The following CHST12 variants were observed in gnomAD, a reference collection of about 807,000 sequenced individuals.
CHST12 encodes carbohydrate sulfotransferase 12.
Under a neutral mutation model 27.9 loss-of-function variants are expected in CHST12, and 23 were observed. The observed-to-expected ratio is 0.82, with a 90% CI of 0.59 to 1.17. The LOEUF (loss-of-function observed/expected upper bound fraction) is 1.17, where lower values mean the gene tolerates loss of function less well. CHST12 is among the 50% of genes most tolerant of loss of function. The pLI is 0.00. For synonymous variants in CHST12, 322 were observed against 273.0 expected (o/e 1.18, Z -1.77); for missense variants, 682 against 603.0 (o/e 1.13, Z -1.37).
intron 1 of CHST12, among the ~76,000 whole-genome samples, chr7:2,408,655 C>A (rs1205374275): frequency 6.6e-6 from 1 of 152,174 alleles, no homozygotes; most frequent in Non-Finnish European, 1.5e-5. Flanking sequence ...AGTCTACACT[C>A]AGGCAAGGGA....
chr7:2,419,968 CTTT>C (rs869252983), intron 1 of CHST12, among the ~76,000 whole-genome samples: 2 of 81,384 alleles, frequency 2.5e-5, no homozygotes, highest in Admixed American at 1.9e-4. Flanking sequence ...AAATATTTGT[CTTT>C]TTTTTTTTTT....
At position 2,433,925 on chromosome 7, in the gene CHST12, C is replaced by A. The variant is rs762459051; in HGVS notation, c.*41C>A. On this transcript the variant is annotated 3_prime_UTR_variant, in exon 2 of 2. Transcript: ENST00000618655. The surrounding 1 kb of genome is among the most constrained non-coding windows in gnomAD (Gnocchi z 6.1). The stretch of plus-strand genomic sequence containing the variant: ...TTTTTCTCGCGTGCCTGGAACCTGA[C>A]GCACGCGCACTCCAGTTTTTTTATG... 6.6e-7 allele frequency: 1 copy of A among 1,513,618 alleles called. No individual in the cohort carries two copies. Among genetic ancestry groups the A allele is most frequent in the Non-Finnish European group, 8.9e-7 (1 of 1,127,032 alleles). 93.8% of individuals were successfully genotyped at this position (1,513,618 alleles called of 1,614,324 possible).
At chr7:2,413,191 G>A (rs534247725) in intron 1 of CHST12, among the ~76,000 whole-genome samples, 14 of 152,280 alleles carry the variant, frequency 9.2e-5, no homozygotes, top group Admixed American at 5.9e-4. Flanking sequence ...AGCAGAGGCC[G>A]GACTTGGTCT....
chr7:2,434,112 A>ACGCCCGCTCGCCCGCTCG lies in CHST12; in HGVS notation c.*229_*230insGCCCGCTCGCCCGCTCGC, dbSNP rs1782400740. On this transcript the variant is annotated 3_prime_UTR_variant, in exon 2 of 2. Coordinates refer to ENST00000618655, the MANE Select transcript of CHST12 (RefSeq NM_018641.5). ...TATCCCCTCTCCCCTCCGCCCGCCC[A>ACGCCCGCTCGCCCGCTCG]CCCGCCCGCCCGCTCGCCCGCTCGC... 1 of 345,906 alleles carries ACGCCCGCTCGCCCGCTCG rather than the reference A, an allele frequency of 2.9e-6. No homozygotes were observed. 21.4% of individuals were successfully genotyped at this position (345,906 alleles called of 1,614,324 possible).
At chr7:2,410,215 T>C (rs959485030) in intron 1 of CHST12, among the ~76,000 whole-genome samples, 4 of 152,238 alleles carry the variant, frequency 2.6e-5, no homozygotes, top group Non-Finnish European at 4.4e-5. Context: ...TGGTTTTTGT[T>C]AGAACATCAC....
chr7:2,427,019 CAT>C (rs1215601942), intron 1 of CHST12, among the ~76,000 whole-genome samples: 2 of 144,694 alleles, frequency 1.4e-5, no homozygotes, highest in African/African-American at 5.2e-5. Context: ...GAGAGAGAGA[CAT>C]ATAAATGAAA....
intron 1 of CHST12, among the ~76,000 whole-genome samples, chr7:2,405,076 G>T (rs1404325901): frequency 6.6e-6 from 1 of 152,196 alleles, no homozygotes; most frequent in African/African-American, 2.4e-5. Flanking sequence ...AGATGTGGAA[G>T]TGAAAGTGAT....
intron 1 of CHST12, among the ~76,000 whole-genome samples, chr7:2,406,853 T>C (rs1781539828): frequency 6.6e-6 from 1 of 151,802 alleles, no homozygotes; most frequent in South Asian, 2.1e-4. Context: ...CTACAGGAGA[T>C]TGAGACCAGA....
At chr7:2,421,300 C>T (rs1265611026) in intron 1 of CHST12, among the ~76,000 whole-genome samples, 1 of 143,088 alleles carries the variant, frequency 7.0e-6, no homozygotes, top group Non-Finnish European at 1.5e-5. Context: ...GGCTGGGATG[C>T]AGTGGCAACA....
At position 2,433,245 on chromosome 7, in the gene CHST12, C is replaced by T; in HGVS notation, c.606C>T (p.Ile202=). ...CGCCCTACCGCGACCCGCTGCGCAT[C>T]CCGCGCGAGCACGTGCACAACGCCA... The part of the protein sequence containing the change: ...RGAPYRDPLR[I]PREHVHNASA... The change falls in exon 2 of 2, where the codon ATC becomes ATT. Residue 202 remains isoleucine (I), a synonymous_variant. Coordinates refer to ENST00000618655, the MANE Select transcript of CHST12 (RefSeq NM_018641.5). The surrounding 1 kb of genome is among the most constrained non-coding windows in gnomAD (Gnocchi z 6.1). 6.2e-7 allele frequency: 1 copy of T among 1,611,664 alleles called. No homozygotes were observed.
chr7:2,426,546 G>A (rs888533799), intron 1 of CHST12, among the ~76,000 whole-genome samples: 5 of 152,022 alleles, frequency 3.3e-5, no homozygotes, highest in African/African-American at 1.2e-4. Context: ...CGGGGCAGGG[G>A]CGGGTAGACA....
chr7:2,405,531 C>T (rs1041394389), intron 1 of CHST12, among the ~76,000 whole-genome samples: 9 of 151,922 alleles, frequency 5.9e-5, no homozygotes, highest in Non-Finnish European at 1.0e-4. Context: ...TTGGGTGCGA[C>T]GCGATTAGAT....
At chr7:2,421,205 A>T (rs1781963736) in intron 1 of CHST12, among the ~76,000 whole-genome samples, 1 of 146,688 alleles carries the variant, frequency 6.8e-6, no homozygotes, top group African/African-American at 2.5e-5. Context: ...CTGTAAGTGC[A>T]CACCACCATG....
rs1331190612 is a variant in CHST12 at position 2,445,058 on chromosome 7, T to G, written c.*11174T>G. 1 of 152,234 alleles carries G rather than the reference T, an allele frequency of 6.6e-6. No homozygotes were observed. Among genetic ancestry groups the G allele is most frequent in the African/African-American group, 2.4e-5 (1 of 41,466 alleles). The allele number at this position is 152,234 out of a possible 1,614,324, so 9.4% of individuals were successfully genotyped here. The stretch of plus-strand genomic sequence containing the variant: ...GGGGGCACAGATTTGCAAAGTGGAT[T>G]TCAACATGTCGGGTTTCAAAGGGGG... On this transcript the variant is annotated 3_prime_UTR_variant, in exon 2 of 2. Transcript: ENST00000618655.
rs114100555 is a variant in CHST12 at position 2,441,191 on chromosome 7, T to C, written c.*7307T>C. ...GTGGAGCCCTATGTGGCCTGCGATA[T>C]TGGGGTGGCGTCCAGGCCCGCCTAG... On this transcript the variant is annotated 3_prime_UTR_variant, in exon 2 of 2. Coordinates refer to ENST00000618655, the MANE Select transcript of CHST12 (RefSeq NM_018641.5). 9.0e-3 allele frequency: 1,371 copies of C among 152,010 alleles called. 16 individuals carry two copies. The highest frequency in any genetic ancestry group is 0.027 in the African/African-American group (1,115 of 41,388). The allele number at this position is 152,010 out of a possible 1,614,324, so 9.4% of individuals were successfully genotyped here. A position where few individuals can be genotyped will look rare whatever the true frequency, so the allele number is the denominator to read the frequency against.
intron 1 of CHST12, among the ~76,000 whole-genome samples, chr7:2,415,859 G>T (rs542991049): frequency 6.6e-5 from 10 of 151,902 alleles, no homozygotes; most frequent in Non-Finnish European, 7.4e-5. Flanking sequence ...TGTGATCCGC[G>T]CACCTCAGCC....
Position 2,432,859 on chromosome 7 carries a change from C to G in CHST12, c.220C>G (p.Leu74Val), listed in dbSNP as rs1270904407. ...TGTCGACGAGTTTCTGGACAAGTTT[C>G]TCAGTGCTGGCGTGAAGCAGAGCGA... ...SDVDEFLDKF[L>V]SAGVKQSDLP... Residue 74 changes from leucine to valine, a missense_variant, in exon 2 of 2, where the codon CTC becomes GTC. Transcript: ENST00000618655. 4 of 1,613,716 alleles carry G rather than the reference C, an allele frequency of 2.5e-6. No individual in the cohort carries two copies. The highest frequency in any genetic ancestry group is 3.4e-6 in the Non-Finnish European group (4 of 1,179,926).
At chr7:2,424,054 A>C (rs1364845738) in intron 1 of CHST12, among the ~76,000 whole-genome samples, 1 of 152,082 alleles carries the variant, frequency 6.6e-6, no homozygotes, top group Non-Finnish European at 1.5e-5. Context: ...TGTATTTCAA[A>C]ATTAATTGAT....
At chr7:2,428,138 T>A in intron 1 of CHST12, among the ~76,000 whole-genome samples, 1 of 151,986 alleles carries the variant, frequency 6.6e-6, no homozygotes, top group East Asian at 1.9e-4. Flanking sequence ...TTTATTAATA[T>A]TTTGAGCATT....
Sources: gnomAD v4.1 joint callset for allele counts (sites outside exome capture counted in the v4.1 genomes callset) on GRCh38, gnomAD v4.1.1 for gene constraint, Gnocchi (gnomAD v3.1) non-coding constraint, MANE v1.5 for transcripts, NCBI Gene and HGNC (gene_info 2026-07-23, HGNC 2026-07-21) for gene names.